PNMA6E: variants seen among roughly 807,000 people sequenced by gnomAD.
The protein encoded by PNMA6E is paraneoplastic antigen Ma6E.
For synonymous variants in PNMA6E, 43 were observed against 17.1 expected (o/e 2.52, Z -3.74); for missense variants, 78 against 50.8 (o/e 1.53, Z -1.63).
rs1602869392 is a variant in PNMA6E at position 153,396,277 on chromosome X, T to A, written c.*629A>T. 8.2e-6 allele frequency: 1 copy of A among 122,267 alleles called. No homozygotes were observed. Among genetic ancestry groups the A allele is most frequent in the African/African-American group, 3.2e-5 (1 of 30,793 alleles). The allele number at this position is 122,267 out of a possible 1,213,427, so 10.1% of individuals were successfully genotyped here. ...AGGAAAGCAGAGGTGGTGCTCACGA[T>A]GCAGGACAGCAGCAAGCAGAGCCTG... On this transcript the variant is annotated 3_prime_UTR_variant, in exon 2 of 2. Transcript: ENST00000445091.
upstream of PNMA6E, among the ~76,000 whole-genome samples, chrX:153,405,697 C>T (rs1556972025): frequency 9.2e-6 from 1 of 108,959 alleles, no homozygotes; most frequent in African/African-American, 3.4e-5. Flanking sequence ...GAGAGGCCCA[C>T]GTGCTGAGGA....
At chrX:153,406,822 A>G in the PNMA6E span, among the ~76,000 whole-genome samples, 1 of 112,347 alleles carries the variant, frequency 8.9e-6, no homozygotes, top group Non-Finnish European at 1.9e-5. Context: ...TTGTCCTGTG[A>G]GAGATAACTA....
the PNMA6E span, among the ~76,000 whole-genome samples, chrX:153,411,341 G>A: frequency 8.9e-6 from 1 of 112,544 alleles, no homozygotes; most frequent in Non-Finnish European, 1.9e-5. Context: ...AGTGCCTCGG[G>A]GCGCGTGGGG....
rs2088811297 is a variant in PNMA6E, at chrX:153,396,874, G to C, written c.*32C>G. On this transcript the variant is annotated 3_prime_UTR_variant, in exon 2 of 2. Coordinates refer to ENST00000445091, the MANE Select transcript of PNMA6E (RefSeq NM_001367770.1). ...GTCTGCCTCCAAGGCGCTGCTGCCTGAGAGGAGAGGAGGCCCCGGGGCCCT... is the reference window on the plus strand; with the variant it reads ...GTCTGCCTCCAAGGCGCTGCTGCCTCAGAGGAGAGGAGGCCCCGGGGCCCT... 3.4e-6 allele frequency: 1 copy of C among 296,591 alleles called. No individual in the cohort carries two copies. The highest frequency in any genetic ancestry group is 5.9e-6 in the Non-Finnish European group (1 of 170,076). 24.4% of individuals were successfully genotyped at this position (296,591 alleles called of 1,213,427 possible).
the PNMA6E span, among the ~76,000 whole-genome samples, chrX:153,410,553 G>A: frequency 2.3e-4 from 26 of 112,431 alleles, no homozygotes; most frequent in South Asian, 7.4e-3. Flanking sequence ...CCCTGCAACC[G>A]GAGGTTCCCT....
intron 1 of PNMA6E, among the ~76,000 whole-genome samples, 172 bp downstream of exon 1, chrX:153,401,072 A>C (rs2088847737): frequency 1.0e-5 from 1 of 97,699 alleles, no homozygotes; most frequent in African/African-American, 3.9e-5. Context: ...GCCACGCCGC[A>C]CCTAAACCGG....
intron 1 of PNMA6E, among the ~76,000 whole-genome samples, chrX:153,400,542 C>T (rs1556971107): frequency 2.1e-4 from 24 of 112,033 alleles, no homozygotes; most frequent in Non-Finnish European, 3.8e-5. Flanking sequence ...GGCCTCCCCA[C>T]AGCCAGGGGC....
upstream of PNMA6E, among the ~76,000 whole-genome samples, chrX:153,403,518 T>G: frequency 8.9e-6 from 1 of 112,272 alleles, no homozygotes; most frequent in Non-Finnish European, 1.9e-5. Context: ...ATTACCATAT[T>G]TTTGACTTAC....
chrX:153,411,676 G>A, the PNMA6E span, among the ~76,000 whole-genome samples: 36,140 of 112,136 alleles, frequency 0.32, 4,785 homozygotes, highest in Non-Finnish European at 0.42. Context: ...AAGGGAGGCC[G>A]ACTCCCTCGG....
chrX:153,409,967 A>C, the PNMA6E span, among the ~76,000 whole-genome samples: 2 of 112,270 alleles, frequency 1.8e-5, no homozygotes, highest in Non-Finnish European at 3.8e-5. Context: ...GGCTCAGCCT[A>C]TTCCCTCGTG....
upstream of PNMA6E, chrX:153,403,983 T>C (rs1342974256): frequency 2.5e-5 from 1 of 40,498 alleles, no homozygotes; most frequent in Non-Finnish European, 5.5e-5. Flanking sequence ...GCATGCTTCT[T>C]TTTTTTTTTT....
the PNMA6E span, among the ~76,000 whole-genome samples, chrX:153,410,694 A>G: frequency 1.8e-5 from 2 of 112,487 alleles, no homozygotes; most frequent in East Asian, 5.6e-4. Flanking sequence ...AAGAAAAGAA[A>G]CCCCTGAACT....
rs2124268030 is a variant in PNMA6E at position 153,397,130 on chromosome X, G to A, written c.1720C>T (p.Pro574Ser). ...GAGGAGCCCCAGGGGACCTCTATGG[G>A]CCTTGCCTGACCTAGGCCTTCGGGG... ...AGPEGLGQAR[P>S]IEVPWGSSPA... Residue 574 changes from proline to serine, a missense_variant, in exon 2 of 2, where the codon CCC becomes TCC. Transcript: ENST00000445091. The A allele has an allele frequency of 3.4e-6, 1 of 296,924 alleles. No homozygotes were observed. Among genetic ancestry groups the A allele is most frequent in the East Asian group, 4.8e-5 (1 of 20,984 alleles). 24.5% of individuals were successfully genotyped at this position (296,924 alleles called of 1,213,427 possible). A position where few individuals can be genotyped will look rare whatever the true frequency, so the allele number is the denominator to read the frequency against.
chrX:153,400,514 A>G (rs918191155), intron 1 of PNMA6E, among the ~76,000 whole-genome samples: 2 of 111,974 alleles, frequency 1.8e-5, no homozygotes, highest in African/African-American at 6.5e-5. Flanking sequence ...ACGTGCTTAG[A>G]CATGAGCCTC....
At chrX:153,400,521 C>G (rs948322053) in intron 1 of PNMA6E, among the ~76,000 whole-genome samples, 23 of 112,226 alleles carry the variant, frequency 2.0e-4, no homozygotes, top group Admixed American at 5.6e-4. Flanking sequence ...TAGACATGAG[C>G]CTCCCTCTGT....
the PNMA6E span, among the ~76,000 whole-genome samples, chrX:153,413,774 T>A: frequency 4.5e-5 from 5 of 112,338 alleles, no homozygotes; most frequent in African/African-American, 1.6e-4. Context: ...CTGGGTGTTA[T>A]TTGAGTTCTA....
At chrX:153,413,749 C>T in the PNMA6E span, among the ~76,000 whole-genome samples, 6 of 112,117 alleles carry the variant, frequency 5.4e-5, no homozygotes, top group African/African-American at 1.3e-4. Flanking sequence ...CTCAGATGCA[C>T]GGAGTAGTGC....
the PNMA6E span, among the ~76,000 whole-genome samples, chrX:153,413,108 T>C: frequency 9.0e-6 from 1 of 110,880 alleles, no homozygotes; most frequent in Non-Finnish European, 1.9e-5. Context: ...CTGATGGGGC[T>C]GAGAGAAGCA....
chrX:153,403,352 C>T (rs1363642406), upstream of PNMA6E, among the ~76,000 whole-genome samples: 1 of 111,978 alleles, frequency 8.9e-6, no homozygotes, highest in Non-Finnish European at 1.9e-5. Context: ...TCAGAACTTA[C>T]CCTTGGTTCT....
Sources: allele counts gnomAD v4.1 joint callset (sites outside exome capture counted in the v4.1 genomes callset), GRCh38; gene constraint gnomAD v4.1.1; transcripts MANE v1.5; gene names NCBI Gene and HGNC (gene_info 2026-07-23, HGNC 2026-07-21).